The following PCDHGA2 variants were observed in gnomAD, a reference collection of about 807,000 sequenced individuals.
PCDHGA2 encodes protocadherin gamma-A2.
A neutral mutation model predicts 59.2 loss-of-function variants in PCDHGA2; 40 were observed. The observed-to-expected ratio is 0.68, with a 90% CI of 0.52 to 0.88. The LOEUF is 0.88. PCDHGA2 is among the 40% of genes least tolerant of loss of function. The pLI, the probability that PCDHGA2 is intolerant of heterozygous loss-of-function variation, is 0.00. For synonymous variants in PCDHGA2, 560 were observed against 526.0 expected, an observed-to-expected ratio of 1.06 and a Z score of -0.89; for missense variants, 1,226 against 1,204.0, an observed-to-expected ratio of 1.02 and a Z score of -0.27.
At chr5:141,403,784 G>T in intron 1 of PCDHGA2, 1 of 1,613,906 alleles carries the variant, frequency 6.2e-7, no homozygotes, top group Non-Finnish European at 8.5e-7. Context: ...CGGAAAAGTG[G>T]CATACAAATT....
At position 141,383,914 on chromosome 5, in the gene PCDHGA2, G is replaced by T. The variant is rs1167823249; in HGVS notation, c.2424+42519G>T. ...GGCAAAAGTACTGATCACAGTTTTA[G>T]ATGTAAATGATAATGCTCCAGAAGT... On this transcript the variant is annotated intron_variant, in intron 1 of 3. Transcript: ENST00000394576. The T allele has an allele frequency of 6.2e-7, 1 of 1,613,958 alleles. No individual in the cohort carries two copies. Among genetic ancestry groups the T allele is most frequent in the Admixed American group, 1.7e-5 (1 of 60,022 alleles).
Position 141,372,133 on chromosome 5 carries a change from G to A in PCDHGA2, c.2424+30738G>A, listed in dbSNP as rs576893125. Reference sequence around the variant, plus strand: ...TCTGCGCTCTTCGATATGGTGCCGCGCTCTGCAGAGCCTGGCTACCTGGTG... The same window carrying A: ...TCTGCGCTCTTCGATATGGTGCCGCACTCTGCAGAGCCTGGCTACCTGGTG... On this transcript the variant is annotated intron_variant, in intron 1 of 3. Coordinates refer to ENST00000394576, the MANE Select transcript of PCDHGA2 (RefSeq NM_018915.4). 1.4e-5 allele frequency: 23 copies of A among 1,613,666 alleles called. No individual in the cohort carries two copies. The East Asian group carries it at 5.1e-4, about 36-fold the overall frequency.
intron 1 of PCDHGA2, among the ~76,000 whole-genome samples, chr5:141,438,002 A>G (rs200179547): frequency 1.3e-5 from 2 of 152,072 alleles, no homozygotes; most frequent in East Asian, 1.9e-4. Flanking sequence ...CAGCCTCCCA[A>G]ATAGCTGAGA....
chr5:141,464,144 A>G (rs1305530394), intron 1 of PCDHGA2, among the ~76,000 whole-genome samples: 1 of 152,030 alleles, frequency 6.6e-6, no homozygotes, highest in South Asian at 2.1e-4. Context: ...GGGCGCCTGT[A>G]GTCCCAGCTA....
At chr5:141,353,009 A>G (rs967480372) in intron 1 of PCDHGA2, among the ~76,000 whole-genome samples, 2 of 152,144 alleles carry the variant, frequency 1.3e-5, no homozygotes, top group Admixed American at 1.3e-4. Context: ...AACAAAAATT[A>G]TATATTGCAT....
chr5:141,497,502 T>C (rs1216218103), intron 2 of PCDHGA2, among the ~76,000 whole-genome samples: 1 of 151,628 alleles, frequency 6.6e-6, no homozygotes, highest in East Asian at 1.9e-4. Flanking sequence ...CTCTCCTCTC[T>C]CTGCTTCCTT....
chr5:141,428,406 C>T (rs908202809), intron 1 of PCDHGA2: 1 of 473,274 alleles, frequency 2.1e-6, no homozygotes, highest in Non-Finnish European at 3.9e-6. Context: ...CCTGGGGTTG[C>T]TTTCACCCTG....
chr5:141,339,238 G>C lies in PCDHGA2; in HGVS notation c.267G>C (p.Arg89Ser), dbSNP rs754378451. Reference sequence around the variant, plus strand: ...GCGGCAGCTTGGTCACTGCGAACAGGATAGACCGGGAGGAGCTCTGCGCTC... The same window carrying C: ...GCGGCAGCTTGGTCACTGCGAACAGCATAGACCGGGAGGAGCTCTGCGCTC... ...PRSGSLVTAN[R>S]IDREELCAQS... The change falls in exon 1 of 4, where the codon AGG (arginine) becomes AGC (serine). Residue 89 changes from arginine to serine, a missense_variant. Arg to Ser is a moderately radical substitution (Grantham distance 110). Coordinates refer to ENST00000394576, the MANE Select transcript of PCDHGA2 (RefSeq NM_018915.4). The C allele has an allele frequency of 6.2e-7, 1 of 1,614,270 alleles. No individual in the cohort carries two copies. Among genetic ancestry groups the C allele is most frequent in the Admixed American group, 1.7e-5 (1 of 60,030 alleles).
chr5:141,351,124 C>T, intron 1 of PCDHGA2: 1 of 1,614,048 alleles, frequency 6.2e-7, no homozygotes. Context: ...CCAGCCTCTT[C>T]AATCTCAATC....
At chr5:141,463,725 C>T (rs1259646105) in intron 1 of PCDHGA2, among the ~76,000 whole-genome samples, 2 of 152,026 alleles carry the variant, frequency 1.3e-5, no homozygotes, top group Non-Finnish European at 1.5e-5. Context: ...GGATTACAGG[C>T]ATGAGCCACC....
intron 1 of PCDHGA2, chr5:141,366,846 TA>T: frequency 6.8e-7 from 1 of 1,476,346 alleles, no homozygotes; most frequent in Non-Finnish European, 9.1e-7. Context: ...GTTATGTAAA[TA>T]GTGGAACATT....
rs753872725 is a variant in PCDHGA2, at chr5:141,423,153, C to T, written c.2425-71654C>T. ...TGGACAGAGACGCGCTCAAGCAGAG[C>T]CTCGTGGTGGCCGTCCAGGACCACG... On this transcript the variant is annotated intron_variant, in intron 1 of 3. Transcript: ENST00000394576. The T allele has an allele frequency of 3.7e-6, 6 of 1,613,482 alleles. No homozygotes were observed. The East Asian group carries it at 8.9e-5, about 24-fold the overall frequency.
chr5:141,399,618 G>A, intron 1 of PCDHGA2: 1 of 1,613,914 alleles, frequency 6.2e-7, no homozygotes, highest in Non-Finnish European at 8.5e-7. Context: ...CTCTGGCACT[G>A]GCCTCTTACG....
intron 1 of PCDHGA2, chr5:141,421,033 C>T (rs915028623): frequency 2.4e-5 from 13 of 533,788 alleles, no homozygotes; most frequent in Non-Finnish European, 6.5e-6. Context: ...CCATTGAGTC[C>T]CTCCCTCCCC....
chr5:141,356,131 G>C (rs1760119360), intron 1 of PCDHGA2: 1 of 1,613,690 alleles, frequency 6.2e-7, no homozygotes, highest in African/African-American at 1.3e-5. Flanking sequence ...AGATTATGAG[G>C]ACTCTGGATT....
intron 1 of PCDHGA2, chr5:141,408,066 G>T: frequency 7.3e-7 from 1 of 1,364,656 alleles, no homozygotes; most frequent in Non-Finnish European, 9.7e-7. Flanking sequence ...CGGCTGCGCA[G>T]ACCTTTCCCA....
At position 141,400,963 on chromosome 5, in the gene PCDHGA2, ATC is replaced by A. The variant is rs563949563; in HGVS notation, c.2424+59572_2424+59573del. ...TTCACTGATTTCACTGGTAGTTTTC[ATC>A]TCTTTCTTATGTTCCTCATATATGC... is the stretch of plus-strand genomic sequence containing the variant. On this transcript the variant is annotated intron_variant, in intron 1 of 3. Coordinates refer to ENST00000394576, the MANE Select transcript of PCDHGA2 (RefSeq NM_018915.4). 3.8e-3 allele frequency among the ~76,000 whole-genome samples: 582 copies of A among 152,338 alleles called. 6 individuals carry two copies. Among genetic ancestry groups the A allele is most frequent in the Admixed American group, 0.011 (171 of 15,304 alleles).
intron 1 of PCDHGA2, chr5:141,355,794 C>T: frequency 6.2e-7 from 1 of 1,613,452 alleles, no homozygotes; most frequent in Non-Finnish European, 8.5e-7. Context: ...TGCTGGAACG[C>T]GCTCTAGATC....
intron 1 of PCDHGA2, among the ~76,000 whole-genome samples, chr5:141,453,080 A>T (rs1323212808): frequency 6.6e-6 from 1 of 151,960 alleles, no homozygotes; most frequent in Non-Finnish European, 1.5e-5. Context: ...ACTCTGGTTG[A>T]TTAGTATATT....
Sources: gnomAD v4.1 joint callset for allele counts (sites outside exome capture counted in the v4.1 genomes callset) on GRCh38, gnomAD v4.1.1 for gene constraint, MANE v1.5 for transcripts, NCBI Gene and HGNC (gene_info 2026-07-23, HGNC 2026-07-21) for gene names.